The following HGSNAT variants were observed in gnomAD, a reference collection of about 807,000 sequenced individuals.
The protein encoded by HGSNAT is heparan-alpha-glucosaminide N-acetyltransferase.
HGSNAT carries 59 observed loss-of-function variants against 85.2 expected under a neutral mutation model. The observed-to-expected ratio is 0.69, with a 90% confidence interval of 0.56 to 0.86. The LOEUF (loss-of-function observed/expected upper bound fraction) is 0.86. Among genes scored for constraint, HGSNAT ranks in the 40% least tolerant of loss-of-function variants. The pLI, the probability that HGSNAT is intolerant of heterozygous loss-of-function variation, is 0.00. For missense variants in HGSNAT, 756 were observed against 777.1 expected (o/e 0.97, Z 0.32); for synonymous variants, 321 against 304.5 (o/e 1.05, Z -0.56).
Position 43,201,000 on chromosome 8 carries a change from T to G in HGSNAT, c.*1431T>G, listed in dbSNP as rs1804901927. The G allele has an allele frequency of 6.6e-6, 1 of 152,520 alleles. No homozygotes were observed. The highest frequency in any genetic ancestry group is 1.5e-5 in the Non-Finnish European group (1 of 68,248). The allele number at this position is 152,520 out of a possible 1,614,324, so 9.4% of individuals were successfully genotyped here. On this transcript the variant is annotated 3_prime_UTR_variant, in exon 18 of 18. Coordinates refer to ENST00000379644, the MANE Select transcript of HGSNAT (RefSeq NM_152419.3). The stretch of plus-strand genomic sequence containing the variant: ...TTTTCTCTTTAGGTTTCCCTGGCTT[T>G]GTGAATGGATCATGTGTCTCTAGGT...
At chr8:43,160,432 C>T (rs921454296) in intron 4 of HGSNAT, among the ~76,000 whole-genome samples, 10 of 152,170 alleles carry the variant, frequency 6.6e-5, no homozygotes, top group Non-Finnish European at 1.0e-4. Flanking sequence ...ATGGGGCAAC[C>T]GCAACAGGTA....
chr8:43,168,352 T>A (rs1216710284), intron 5 of HGSNAT, among the ~76,000 whole-genome samples: 1 of 151,226 alleles, frequency 6.6e-6, no homozygotes, highest in African/African-American at 2.4e-5. Context: ...ATGTAAATGT[T>A]AGGTTTTTGC....
Position 43,199,841 on chromosome 8 carries a change from G to A in HGSNAT, c.*272G>A, listed in dbSNP as rs1317096645. ...GATGTCTTTGGAACTTCATTCCGAG[G>A]AGATAAGCTTTAACTTTCCAAAAGG... On this transcript the variant is annotated 3_prime_UTR_variant, in exon 18 of 18. Transcript: ENST00000379644. 1.5e-5 allele frequency: 4 copies of A among 265,146 alleles called. No individual in the cohort carries two copies. The Admixed American group carries it at 1.6e-4, about 11-fold the overall frequency. The allele number at this position is 265,146 out of a possible 1,614,324, so 16.4% of individuals were successfully genotyped here.
In HGSNAT at chr8:43,170,590, G is replaced by A; in HGVS notation, c.639G>A (p.Leu213=). The part of the protein sequence containing the change: ...RETDRLINSE[L]GSPSRTDPLD... ...TTCTCCCTTTTTTTCTGAAGGAGCT[G>A]GGATCTCCCAGCAGGACAGACCCTC... is the stretch of plus-strand genomic sequence containing the variant. The change falls in exon 7 of 18, where the codon CTG becomes CTA. Residue 213 remains leucine, a synonymous_variant. Transcript: ENST00000379644. The A allele has an allele frequency of 6.2e-7, 1 of 1,605,410 alleles. No homozygotes were observed.
chr8:43,140,625 ACCT>A lies in HGSNAT; in HGVS notation c.118+15_118+17del. The A allele has an allele frequency of 1.7e-6, 2 of 1,203,848 alleles. No homozygotes were observed. Among genetic ancestry groups the A allele is most frequent in the Middle Eastern group, 3.3e-4 (1 of 3,032 alleles). The allele number at this position is 1,203,848 out of a possible 1,614,324, so 74.6% of individuals were successfully genotyped here. On this transcript the variant is annotated intron_variant, in intron 1 of 17. Transcript: ENST00000379644. ...CCGCGCCGCCACGAGGTGAGTGCAC[ACCT>A]CCTACCGCCGCCCGGCCGGCTACGA... is the stretch of plus-strand genomic sequence containing the variant.
At chr8:43,166,680 G>C (rs903188825) in intron 5 of HGSNAT, among the ~76,000 whole-genome samples, 4 of 152,152 alleles carry the variant, frequency 2.6e-5, no homozygotes, top group Non-Finnish European at 5.9e-5. Context: ...GATGAATGTT[G>C]TTTTCATGCC....
At chr8:43,198,522 C>T (rs1804809937) in intron 17 of HGSNAT, among the ~76,000 whole-genome samples, 1 of 152,024 alleles carries the variant, frequency 6.6e-6, no homozygotes, top group African/African-American at 2.4e-5. Flanking sequence ...CTCCCGACCT[C>T]GTGATCCGCC....
chr8:43,163,565 C>T (rs1052801401), intron 5 of HGSNAT, among the ~76,000 whole-genome samples: 1 of 151,000 alleles, frequency 6.6e-6, no homozygotes, highest in Non-Finnish European at 1.5e-5. Flanking sequence ...CTCACTCTGC[C>T]ACGCAGGCTG....
rs192953802 is a variant in HGSNAT at position 43,141,863 on chromosome 8, C to T, written c.118+1249C>T. 5.9e-3 allele frequency among the ~76,000 whole-genome samples: 895 copies of T among 152,242 alleles called. 3 individuals carry two copies. The highest frequency in any genetic ancestry group is 8.4e-3 in the Non-Finnish European group (571 of 68,018). On this transcript the variant is annotated intron_variant, in intron 1 of 17. Coordinates refer to ENST00000379644, the MANE Select transcript of HGSNAT (RefSeq NM_152419.3). The stretch of plus-strand genomic sequence containing the variant: ...TGTCAGGGACTGATCCCGCCGAACA[C>T]TCTTTGCATTTTAGCGCCAGTATTA...
At chr8:43,142,539 G>A (rs1434228352) in intron 1 of HGSNAT, among the ~76,000 whole-genome samples, 1 of 152,072 alleles carries the variant, frequency 6.6e-6, no homozygotes, top group Non-Finnish European at 1.5e-5. Flanking sequence ...ATCCGCTGGC[G>A]TTACTCTGAC....
In HGSNAT at chr8:43,150,820, C is replaced by T. The variant is rs894734409; in HGVS notation, c.234+3757C>T. On this transcript the variant is annotated intron_variant, in intron 2 of 17. Transcript: ENST00000379644. Reference sequence around the variant, plus strand: ...CTGCACTCCAGCCTGGGTGACAGAGCGAGACTCCGTTTCAAAATAAATAAA... The same window carrying T: ...CTGCACTCCAGCCTGGGTGACAGAGTGAGACTCCGTTTCAAAATAAATAAA... Among the ~76,000 whole-genome samples, 8 of 142,426 alleles carry T rather than the reference C, an allele frequency of 5.6e-5. No homozygotes were observed. In the East Asian group the frequency reaches 8.1e-4, roughly 14 times the overall value. 93.4% of individuals were successfully genotyped at this position (142,426 alleles called of 152,430 possible).
chr8:43,149,713 AT>A (rs534725579), intron 2 of HGSNAT, among the ~76,000 whole-genome samples: 2 of 151,336 alleles, frequency 1.3e-5, no homozygotes, highest in East Asian at 1.9e-4. Flanking sequence ...AAAAAAAAAA[AT>A]TTTTTTTTAA....
chr8:43,200,775 A>C lies in HGSNAT; in HGVS notation c.*1206A>C, dbSNP rs1169806235. 2 of 152,264 alleles carry C rather than the reference A, an allele frequency of 1.3e-5. No homozygotes were observed. The highest frequency in any genetic ancestry group is 1.3e-4 in the Admixed American group (2 of 15,278). The allele number at this position is 152,264 out of a possible 1,614,324, so 9.4% of individuals were successfully genotyped here. On this transcript the variant is annotated 3_prime_UTR_variant, in exon 18 of 18. Transcript: ENST00000379644. ...GTGGCCACAGGGTTGTGCTGTACCCACCCTTCCCCGGCGAGATGGCCCTCG... is the reference window on the plus strand; with the variant it reads ...GTGGCCACAGGGTTGTGCTGTACCCCCCCTTCCCCGGCGAGATGGCCCTCG...
chr8:43,147,175 G>T, intron 2 of HGSNAT, 112 bp downstream of exon 2: 1 of 629,904 alleles, frequency 1.6e-6, no homozygotes, highest in Non-Finnish European at 2.7e-6. Context: ...TGCAGCTAAA[G>T]AAACAAAGAA....
Position 43,158,726 on chromosome 8 carries a change from T to A in HGSNAT, c.371+15T>A, listed in dbSNP as rs372920077. 4 of 1,578,786 alleles carry A rather than the reference T, an allele frequency of 2.5e-6. No individual in the cohort carries two copies. Among genetic ancestry groups the A allele is most frequent in the Admixed American group, 3.8e-5 (2 of 52,032 alleles). ...GAAGTTTGTAGGTTTGTGCCTGCTT[T>A]GTTGTGATCTAAGTGAAGTCTGCAT... On this transcript the variant is annotated intron_variant, in intron 3 of 17. Transcript: ENST00000379644.
rs1804808569 is a variant in HGSNAT at position 43,198,492 on chromosome 8, T to C, written c.1726+540T>C. Among the ~76,000 whole-genome samples the C allele has an allele frequency of 2.0e-5, 3 of 152,062 alleles. No individual in the cohort carries two copies. The South Asian group carries it at 6.2e-4, about 32-fold the overall frequency. ...TTAGTTGAGATGGGATTTCACAGTG[T>C]TAGCTAGGATGGTCTTGATCTCCCG... is the stretch of plus-strand genomic sequence containing the variant. On this transcript the variant is annotated intron_variant, in intron 17 of 17. Coordinates refer to ENST00000379644, the MANE Select transcript of HGSNAT (RefSeq NM_152419.3).
intron 1 of HGSNAT, among the ~76,000 whole-genome samples, chr8:43,140,988 G>T (rs1483099495): frequency 6.6e-6 from 1 of 152,204 alleles, no homozygotes; most frequent in Non-Finnish European, 1.5e-5. Context: ...CCGAGGATCG[G>T]GGGGGCTCGG....
intron 6 of HGSNAT, 122 bp from the exon 7 acceptor site, chr8:43,170,463 G>A (rs1803585879): frequency 1.1e-6 from 1 of 880,504 alleles, no homozygotes; most frequent in Non-Finnish European, 1.8e-6. Context: ...CTGGGCCACA[G>A]AGCGAGACTC....
chr8:43,166,068 T>C (rs1376090776), intron 5 of HGSNAT, among the ~76,000 whole-genome samples: 1 of 152,204 alleles, frequency 6.6e-6, no homozygotes, highest in Non-Finnish European at 1.5e-5. Flanking sequence ...CCCTAGCTCT[T>C]TTCAGTTCTG....
Sources: allele counts gnomAD v4.1 joint callset (sites outside exome capture counted in the v4.1 genomes callset), GRCh38; gene constraint gnomAD v4.1.1; transcripts MANE v1.5; gene names NCBI Gene and HGNC (gene_info 2026-07-23, HGNC 2026-07-21).